Variants in SEMA5B observed in about 807,000 individuals in gnomAD.
SEMA5B encodes the protein semaphorin-5B.
Under a neutral mutation model 135.0 loss-of-function variants are expected in SEMA5B, and 66 were observed. That is an observed-to-expected ratio of 0.49 (90% CI 0.40 to 0.60). SEMA5B has a LOEUF of 0.60. Ranked by LOEUF, SEMA5B falls within the 20% of genes least tolerant of loss-of-function variation. SEMA5B has a pLI of 0.00. For missense variants in SEMA5B, 1,501 were observed against 1,566.3 expected (o/e 0.96, Z 0.70); for synonymous variants, 690 against 639.5 (o/e 1.08, Z -1.19).
chr3:122,966,896 T>C (rs977579973), intron 1 of SEMA5B, among the ~76,000 whole-genome samples: 1 of 142,966 alleles, frequency 7.0e-6, no homozygotes, highest in Non-Finnish European at 1.5e-5. Context: ...ATTATTATTA[T>C]TATTAGAGAT....
In SEMA5B at chr3:122,913,867, C is replaced by T. The variant is rs1194747179; in HGVS notation, c.2123G>A (p.Arg708Gln). ...HGGRICVGKS[R>Q]EERFCNENTP... ...GCCTGTTCTCCCTCACCGTTCCTCC[C>T]GGCTCTTGCCCACGCAGATGCGGCC... Residue 708 changes from arginine to glutamine, a missense_variant, in exon 15 of 23, where the codon CGG becomes CAG. Physicochemically the swap from Arg to Gln is conservative, Grantham distance 43 (BLOSUM62 1). Transcript: ENST00000357599. The T allele has an allele frequency of 3.1e-6, 5 of 1,606,234 alleles. No homozygotes were observed. Among genetic ancestry groups the T allele is most frequent in the African/African-American group, 2.7e-5 (2 of 74,810 alleles).
intron 1 of SEMA5B, among the ~76,000 whole-genome samples, chr3:123,020,355 A>G (rs1942649399): frequency 5.3e-5 from 8 of 152,266 alleles, no homozygotes; most frequent in Admixed American, 5.2e-4. Flanking sequence ...CAATTTGGTT[A>G]CATACCTATC....
chr3:122,959,286 C>T (rs1462642794), intron 2 of SEMA5B, among the ~76,000 whole-genome samples: 1 of 152,130 alleles, frequency 6.6e-6, no homozygotes, highest in Non-Finnish European at 1.5e-5. Context: ...AGGCACAGAC[C>T]AGTTAAAAGT....
intron 1 of SEMA5B, among the ~76,000 whole-genome samples, chr3:123,020,637 G>T (rs1397699408): frequency 6.6e-6 from 1 of 152,220 alleles, no homozygotes; most frequent in Admixed American, 6.5e-5. Flanking sequence ...GCCTAGAAAA[G>T]AAGATTTAGG....
chr3:122,916,159 G>A (rs1434818137), intron 12 of SEMA5B, among the ~76,000 whole-genome samples: 1 of 152,138 alleles, frequency 6.6e-6, no homozygotes. Flanking sequence ...CCTGACCCAG[G>A]ACTCAAACCC....
chr3:122,947,098 TC>T (rs1939822475), intron 3 of SEMA5B, among the ~76,000 whole-genome samples: 1 of 151,854 alleles, frequency 6.6e-6, no homozygotes, highest in African/African-American at 2.4e-5. Flanking sequence ...AGGAAATGTT[TC>T]ATTAGGAGCT....
At chr3:123,026,706 ACG>A (rs1297502402) in intron 1 of SEMA5B, among the ~76,000 whole-genome samples, 1 of 152,138 alleles carries the variant, frequency 6.6e-6, no homozygotes, top group Non-Finnish European at 1.5e-5. Context: ...CTCCCGCAGG[ACG>A]TGAGCGGAAA....
chr3:122,930,051 A>C (rs35346806), intron 5 of SEMA5B, among the ~76,000 whole-genome samples: 29,397 of 152,158 alleles, frequency 0.19, 3,092 homozygotes, highest in Middle Eastern at 0.32. Context: ...GAGCCCTGAG[A>C]AAGCAGCTCT....
chr3:122,935,672 C>CTTTT (rs1939229697), intron 5 of SEMA5B, among the ~76,000 whole-genome samples: 4 of 101,412 alleles, frequency 3.9e-5, no homozygotes, highest in Non-Finnish European at 8.1e-5. Flanking sequence ...ACTTTTTTTT[C>CTTTT]TTTTTCTTTC....
At position 122,911,488 on chromosome 3, in the gene SEMA5B, T is replaced by C; in HGVS notation, c.3091+3A>G. The C allele has an allele frequency of 1.2e-6, 2 of 1,606,634 alleles. No individual in the cohort carries two copies. The highest frequency in any genetic ancestry group is 1.7e-6 in the Non-Finnish European group (2 of 1,177,336). The stretch of plus-strand genomic sequence containing the variant: ...AGCATGAGGTAGGTCCGGTTTCTTT[T>C]ACCTGCACAGTCGGTGGCCTCCTCC... On this transcript the variant is annotated splice_donor_region_variant and intron_variant, in intron 21 of 22. Coordinates refer to ENST00000357599, the MANE Select transcript of SEMA5B (RefSeq NM_001031702.4).
intron 4 of SEMA5B, among the ~76,000 whole-genome samples, chr3:122,939,884 G>C (rs1433399312): frequency 2.0e-5 from 3 of 152,114 alleles, no homozygotes; most frequent in Admixed American, 2.0e-4. Flanking sequence ...GATGCAGACA[G>C]CCAGCTTCCT....
intron 1 of SEMA5B, among the ~76,000 whole-genome samples, chr3:122,994,861 T>C (rs1326199960): frequency 6.6e-6 from 1 of 152,228 alleles, no homozygotes; most frequent in Non-Finnish European, 1.5e-5. Context: ...CCACCCACGA[T>C]GCCTGGCCCT....
intron 1 of SEMA5B, among the ~76,000 whole-genome samples, chr3:123,001,740 G>A (rs1395236908): frequency 2.6e-5 from 4 of 152,180 alleles, no homozygotes; most frequent in Non-Finnish European, 4.4e-5. Context: ...GAGTAGCCAG[G>A]CAAGGTACTT....
intron 1 of SEMA5B, among the ~76,000 whole-genome samples, chr3:123,018,991 G>C (rs1029272442): frequency 6.6e-5 from 10 of 152,166 alleles, no homozygotes; most frequent in Non-Finnish European, 1.2e-4. Context: ...CATGACCCAG[G>C]AAGTAAAAAG....
In SEMA5B at chr3:122,939,454, G is replaced by C. The variant is rs2107513790; in HGVS notation, c.445C>G (p.Leu149Val). The C allele has an allele frequency of 6.2e-7, 1 of 1,612,802 alleles. No individual in the cohort carries two copies. Among genetic ancestry groups the C allele is most frequent in the South Asian group, 1.1e-5 (1 of 91,044 alleles). ...IVGARNYLFR[L>V]SLANVSLLQA... Reference sequence around the variant, plus strand: ...AGAAGAGAGACATTGGCAAGGCTGAGTCTGAAGAGGTAGTTCCTGTGAAAA... The same window carrying C: ...AGAAGAGAGACATTGGCAAGGCTGACTCTGAAGAGGTAGTTCCTGTGAAAA... Residue 149 changes from leucine to valine, a missense_variant, in exon 5 of 23, where the codon CTC becomes GTC. Leu to Val is a conservative substitution (Grantham distance 32, BLOSUM62 1). Coordinates refer to ENST00000357599, the MANE Select transcript of SEMA5B (RefSeq NM_001031702.4).
intron 1 of SEMA5B, among the ~76,000 whole-genome samples, chr3:123,023,447 T>G (rs1367899148): frequency 6.6e-6 from 1 of 152,040 alleles, no homozygotes; most frequent in Non-Finnish European, 1.5e-5. Context: ...TAAGTATAAG[T>G]AACACTCCCT....
At chr3:123,005,314 T>C (rs59103017) in intron 1 of SEMA5B, among the ~76,000 whole-genome samples, 3,265 of 152,208 alleles carry the variant, frequency 0.021, 106 homozygotes, top group East Asian at 0.16. Context: ...TGTAATTGAC[T>C]CCCCACCCCA....
intron 1 of SEMA5B, among the ~76,000 whole-genome samples, chr3:122,996,375 C>T (rs1374434151): frequency 6.6e-6 from 1 of 152,252 alleles, no homozygotes; most frequent in Admixed American, 6.5e-5. Context: ...AAACACTGGG[C>T]TGCCTTTCAT....
At chr3:122,917,085 T>C (rs1938110335) in intron 12 of SEMA5B, among the ~76,000 whole-genome samples, 2 of 152,196 alleles carry the variant, frequency 1.3e-5, no homozygotes, top group African/African-American at 2.4e-5. Context: ...TTGCTATCCA[T>C]TGCTAAGTAC....
Sources: allele counts gnomAD v4.1 joint callset (sites outside exome capture counted in the v4.1 genomes callset), GRCh38; gene constraint gnomAD v4.1.1; transcripts MANE v1.5; gene names NCBI Gene and HGNC (gene_info 2026-07-23, HGNC 2026-07-21).